The following LAMC1 variants were observed in gnomAD, a reference collection of about 807,000 sequenced individuals.
LAMC1 encodes the protein laminin subunit gamma 1.
A neutral mutation model predicts 173.6 loss-of-function variants in LAMC1; 38 were observed. The observed-to-expected ratio is 0.22, with a 90% CI of 0.17 to 0.29. The LOEUF (loss-of-function observed/expected upper bound fraction) is 0.29. Among genes scored for constraint, LAMC1 ranks in the 10% least tolerant of loss-of-function variants. The pLI is 1.00. For synonymous variants in LAMC1, 746 were observed against 749.1 expected (o/e 1.00, Z 0.07); for missense variants, 1,824 against 2,051.8 (o/e 0.89, Z 2.14).
At chr1:183,142,432 A>G (rs1657139739) in intron 27 of LAMC1, 102 bp from the exon 28 acceptor site, 4 of 1,241,648 alleles carry the variant, frequency 3.2e-6, no homozygotes, top group Non-Finnish European at 4.5e-6. Flanking sequence ...CTGCCTGTGC[A>G]GAATGGCAGC....
intron 1 of LAMC1, among the ~76,000 whole-genome samples, chr1:183,040,945 A>T (rs1654115137): frequency 6.6e-6 from 1 of 152,236 alleles, no homozygotes; most frequent in Non-Finnish European, 1.5e-5. Flanking sequence ...CAAAGGAGAT[A>T]TGACTATAGA....
intron 1 of LAMC1, among the ~76,000 whole-genome samples, chr1:183,057,214 C>T (rs1459604218): frequency 6.6e-6 from 1 of 152,234 alleles, no homozygotes. Flanking sequence ...CTCCTGTACC[C>T]TCTCCAAGAA....
chr1:183,045,676 C>G (rs1163584852), intron 1 of LAMC1, among the ~76,000 whole-genome samples: 1 of 152,006 alleles, frequency 6.6e-6, no homozygotes, highest in Non-Finnish European at 1.5e-5. Context: ...GTGTGAGATT[C>G]TCTCTACCTG....
rs1656335250 is a variant in LAMC1, at chr1:183,116,763, T to G, written c.1428-4T>G. The G allele has an allele frequency of 6.2e-7, 1 of 1,613,974 alleles. No individual in the cohort carries two copies. Among genetic ancestry groups the G allele is most frequent in the African/African-American group, 1.3e-5 (1 of 75,048 alleles). ...GTAACTGATTGTGTCTTAATCTTTT[T>G]CAGATGCAAACCTGGATTTTTTAAT... On this transcript the variant is annotated splice_polypyrimidine_tract_variant and splice_region_variant and intron_variant, in intron 7 of 27. Coordinates refer to ENST00000258341, the MANE Select transcript of LAMC1 (RefSeq NM_002293.4).
rs1391141206 is a variant in LAMC1, at chr1:183,128,849, C to T, written c.3280+99C>T. On this transcript the variant is annotated intron_variant, in intron 18 of 27. Coordinates refer to ENST00000258341, the MANE Select transcript of LAMC1 (RefSeq NM_002293.4). Reference sequence around the variant, plus strand: ...AGTATAGTTTTATAAAATTCTTTCTCAGTTTTTAAACTACTCATAGATTAT... The same window carrying T: ...AGTATAGTTTTATAAAATTCTTTCTTAGTTTTTAAACTACTCATAGATTAT... 3 of 974,292 alleles carry T rather than the reference C, an allele frequency of 3.1e-6. No homozygotes were observed. In the East Asian group the frequency reaches 8.1e-5, roughly 26 times the overall value. The allele number at this position is 974,292 out of a possible 1,614,324, so 60.4% of individuals were successfully genotyped here.
chr1:183,124,803 C>A lies in LAMC1; in HGVS notation c.2574C>A (p.Gly858=). ...ECLKCIYNTA[G]FYCDRCKDGF... ...TGAAGTGCATCTATAACACTGCTGG[C>A]TTCTATTGTGACCGGTGCAAAGACG... The change falls in exon 14 of 28, where the codon GGC becomes GGA. Residue 858 remains glycine, a synonymous_variant. Transcript: ENST00000258341. 1 of 1,614,170 alleles carries A rather than the reference C, an allele frequency of 6.2e-7. No homozygotes were observed. The highest frequency in any genetic ancestry group is 8.5e-7 in the Non-Finnish European group (1 of 1,180,012).
chr1:183,055,551 T>C (rs896625412), intron 1 of LAMC1, among the ~76,000 whole-genome samples: 1 of 151,978 alleles, frequency 6.6e-6, no homozygotes, highest in African/African-American at 2.4e-5. Flanking sequence ...CAGTGGCTCA[T>C]GCCTGTAATC....
intron 1 of LAMC1, among the ~76,000 whole-genome samples, chr1:183,061,367 G>GTTT (rs5779152): frequency 0.12 from 17,342 of 148,470 alleles, 1,126 homozygotes; most frequent in Admixed American, 0.2. Flanking sequence ...TTTGGTTGGT[G>GTTT]TTTTTTTTTT....
chr1:183,083,017 C>T lies in LAMC1; in HGVS notation c.419-20311C>T, dbSNP rs557005679. Among the ~76,000 whole-genome samples the T allele has an allele frequency of 4.0e-4, 61 of 152,254 alleles. 1 individual carries two copies. In the South Asian group the frequency reaches 0.01, roughly 25 times the overall value. On this transcript the variant is annotated intron_variant, in intron 1 of 27. Transcript: ENST00000258341. ...GCTCATGCTTCTGCTGTCTGTGATA[C>T]TGAATCTTTCAATATTTTTGGCCTT... is the stretch of plus-strand genomic sequence containing the variant.
At chr1:183,124,424 C>T (rs1184187969) in intron 13 of LAMC1, among the ~76,000 whole-genome samples, 1 of 152,178 alleles carries the variant, frequency 6.6e-6, no homozygotes, top group Non-Finnish European at 1.5e-5. Context: ...CCAGGTGCTT[C>T]CTGTCTAGTG....
chr1:183,116,486 A>AG (rs1164209185), intron 6 of LAMC1, 91 bp from the exon 7 acceptor site: 1 of 909,226 alleles, frequency 1.1e-6, no homozygotes, highest in Non-Finnish European at 1.7e-6. Flanking sequence ...CAAAAAAAAA[A>AG]AAATCTGTTA....
In LAMC1 at chr1:183,127,358, C is replaced by T. The variant is rs899149215; in HGVS notation, c.3077C>T (p.Pro1026Leu). 6.2e-7 allele frequency: 1 copy of T among 1,614,118 alleles called. No homozygotes were observed. Among genetic ancestry groups the T allele is most frequent in the African/African-American group, 1.3e-5 (1 of 75,020 alleles). Residue 1026 changes from proline (P) to leucine (L), a missense_variant, in exon 17 of 28, where the codon CCT becomes CTT. By Grantham distance (98) the Pro-to-Leu change is moderately conservative. Coordinates refer to ENST00000258341, the MANE Select transcript of LAMC1 (RefSeq NM_002293.4). ...EENYFYNRSW[P>L]GCQECPACYR... ...AACTATTTCTACAATCGGTCTTGGCCTGGCTGCCAGGAATGTCCAGCTTGT... is the reference window on the plus strand; with the variant it reads ...AACTATTTCTACAATCGGTCTTGGCTTGGCTGCCAGGAATGTCCAGCTTGT...
At chr1:183,024,337 G>T (rs544668248) in intron 1 of LAMC1, among the ~76,000 whole-genome samples, 5 of 145,520 alleles carry the variant, frequency 3.4e-5, no homozygotes, top group Non-Finnish European at 7.5e-5. Flanking sequence ...AGGATGTTCC[G>T]CACGAGTCTC....
rs767918090 is a variant in LAMC1, at chr1:183,122,662, C to T, written c.2401+411C>T. 2.0e-5 allele frequency among the ~76,000 whole-genome samples: 3 copies of T among 152,280 alleles called. No homozygotes were observed. The East Asian group carries it at 5.8e-4, about 29-fold the overall frequency. ...TTCCACATCCCTGTTCACCTTTCTG[C>T]ACCCTGACTGAGACCTGCATGCACT... On this transcript the variant is annotated intron_variant, in intron 13 of 27. Coordinates refer to ENST00000258341, the MANE Select transcript of LAMC1 (RefSeq NM_002293.4).
intron 1 of LAMC1, among the ~76,000 whole-genome samples, chr1:183,052,198 G>T: frequency 6.6e-6 from 1 of 151,948 alleles, no homozygotes; most frequent in East Asian, 1.9e-4. Flanking sequence ...ATCCATTTTT[G>T]TGTTCTCATC....
chr1:183,029,679 C>T (rs1288984309), intron 1 of LAMC1, among the ~76,000 whole-genome samples: 2 of 152,172 alleles, frequency 1.3e-5, no homozygotes, highest in Non-Finnish European at 2.9e-5. Flanking sequence ...AAGTCTCCCA[C>T]TGACGCCACC....
At chr1:183,117,805 A>G (rs1571452148) in intron 10 of LAMC1, 82 bp downstream of exon 10, 1 of 1,252,418 alleles carries the variant, frequency 8.0e-7, no homozygotes, top group East Asian at 2.3e-5. Flanking sequence ...TGGCCTCTAG[A>G]TGTATTTTAA....
At position 183,126,120 on chromosome 1, in the gene LAMC1, G is replaced by T. The variant is rs759360919; in HGVS notation, c.2802G>T (p.Arg934Ser). ...YNLQSGQGCE[R>S]CDCHALGSTN... ...AGAAATGTCCTGTGTTCATTTTCAG[G>T]TGTGACTGCCATGCCTTGGGCTCCA... is the stretch of plus-strand genomic sequence containing the variant. Residue 934 changes from arginine (R) to serine (S), a missense_variant and splice_region_variant, in exon 16 of 28, where the codon AGG (arginine) becomes AGT (serine). By Grantham distance (110) the Arg-to-Ser change is moderately radical. Transcript: ENST00000258341. 1 of 1,612,508 alleles carries T rather than the reference G, an allele frequency of 6.2e-7. No homozygotes were observed.
At position 183,133,527 on chromosome 1, in the gene LAMC1, C is replaced by A. The variant is rs1558060007; in HGVS notation, c.3826C>A (p.Pro1276Thr). The A allele has an allele frequency of 6.2e-7, 1 of 1,612,952 alleles. No individual in the cohort carries two copies. The highest frequency in any genetic ancestry group is 2.2e-5 in the East Asian group (1 of 44,832). The change falls in exon 22 of 28, where the codon CCT becomes ACT. Residue 1276 changes from proline to threonine, a missense_variant. Physicochemically the swap from Pro to Thr is conservative, Grantham distance 38. Coordinates refer to ENST00000258341, the MANE Select transcript of LAMC1 (RefSeq NM_002293.4). Reference protein sequence around the residue: ...EIYASVAQLSPLDSETLENEA... With the variant: ...EIYASVAQLSTLDSETLENEA... ...CTATGCCAGCGTGGCTCAGCTGAGC[C>A]CTTTGGACTCTGAGACACTGGAGGT...
Sources: gnomAD v4.1 joint callset for allele counts (sites outside exome capture counted in the v4.1 genomes callset) on GRCh38, gnomAD v4.1.1 for gene constraint, MANE v1.5 for transcripts, NCBI Gene and HGNC (gene_info 2026-07-23, HGNC 2026-07-21) for gene names.